IQCM: variants seen among roughly 807,000 people sequenced by gnomAD.
IQCM encodes IQ domain-containing protein M.
Under a neutral mutation model 57.6 loss-of-function variants are expected in IQCM, and 45 were observed. That is an observed-to-expected ratio of 0.78 (90% CI 0.62 to 1.00). The LOEUF is 1.00. IQCM is among the 50% of genes least tolerant of loss of function. IQCM has a pLI of 0.00. For missense variants in IQCM, 468 were observed against 511.6 expected (o/e 0.91, Z 0.82); for synonymous variants, 148 against 158.9 (o/e 0.93, Z 0.51).
At chr4:149,399,883 C>A (rs1335117706) in intron 13 of IQCM, among the ~76,000 whole-genome samples, 1 of 151,980 alleles carries the variant, frequency 6.6e-6, no homozygotes, top group East Asian at 1.9e-4. Context: ...AATTGTTATC[C>A]TTTTTGAGAG....
intron 8 of IQCM, among the ~76,000 whole-genome samples, chr4:149,595,772 C>T (rs900190612): frequency 6.6e-6 from 1 of 152,072 alleles, no homozygotes; most frequent in Non-Finnish European, 1.5e-5. Flanking sequence ...GCAAACAAAC[C>T]ACAGGATGGT....
intron 8 of IQCM, among the ~76,000 whole-genome samples, chr4:149,589,108 AG>A (rs1210995802): frequency 6.6e-6 from 1 of 152,000 alleles, no homozygotes; most frequent in Non-Finnish European, 1.5e-5. Flanking sequence ...TGATAGCTAG[AG>A]GCACTGATGG....
At chr4:149,360,007 A>G (rs1039473199) in intron 13 of IQCM, among the ~76,000 whole-genome samples, 2 of 152,186 alleles carry the variant, frequency 1.3e-5, no homozygotes, top group African/African-American at 2.4e-5. Context: ...GAAATAAACA[A>G]GAGAGAAAAA....
chr4:149,704,592 C>G (rs1332598469), intron 5 of IQCM, among the ~76,000 whole-genome samples: 4 of 151,610 alleles, frequency 2.6e-5, no homozygotes, highest in African/African-American at 4.8e-5. Flanking sequence ...GTTCTCCGGA[C>G]AGAGTAATAA....
intron 2 of IQCM, among the ~76,000 whole-genome samples, chr4:149,801,829 A>C (rs1221399633): frequency 6.6e-6 from 1 of 151,990 alleles, no homozygotes; most frequent in African/African-American, 2.4e-5. Flanking sequence ...CTGCTGTTTG[A>C]TAGCACAACA....
intron 9 of IQCM, among the ~76,000 whole-genome samples, chr4:149,587,314 T>C (rs1183891324): frequency 6.6e-6 from 1 of 151,812 alleles, no homozygotes; most frequent in Non-Finnish European, 1.5e-5. Flanking sequence ...TTTTAGCTTA[T>C]AATCATTTAT....
At chr4:149,547,521 T>C (rs1194990614) in intron 12 of IQCM, among the ~76,000 whole-genome samples, 1 of 152,150 alleles carries the variant, frequency 6.6e-6, no homozygotes. Flanking sequence ...GGTCAAAACA[T>C]ACAAACTTTT....
intron 8 of IQCM, among the ~76,000 whole-genome samples, chr4:149,600,944 TTTGA>T (rs1358674622): frequency 6.6e-6 from 1 of 152,186 alleles, no homozygotes; most frequent in Non-Finnish European, 1.5e-5. Flanking sequence ...TTCTAATATC[TTTGA>T]TTGGGTATTA....
At chr4:149,624,998 C>A (rs182495460) in intron 7 of IQCM, among the ~76,000 whole-genome samples, 1 of 152,278 alleles carries the variant, frequency 6.6e-6, no homozygotes, top group Admixed American at 6.5e-5. Context: ...ATTGCACATG[C>A]AGTTTTAATC....
At chr4:149,750,064 C>T (rs757738108) in intron 2 of IQCM, among the ~76,000 whole-genome samples, 57 of 152,074 alleles carry the variant, frequency 3.7e-4, no homozygotes, top group Non-Finnish European at 5.1e-4. Context: ...TTGGAAATCC[C>T]GCTACTACTG....
chr4:149,592,523 G>C (rs1181349204), intron 8 of IQCM, among the ~76,000 whole-genome samples: 3 of 151,878 alleles, frequency 2.0e-5, no homozygotes, highest in African/African-American at 4.8e-5. Context: ...TAGACATGAA[G>C]TCCTTGCCCA....
intron 13 of IQCM, among the ~76,000 whole-genome samples, chr4:149,392,908 C>T (rs1013158574): frequency 2.6e-5 from 4 of 152,002 alleles, no homozygotes; most frequent in Non-Finnish European, 5.9e-5. Context: ...TTGTCGCTCA[C>T]ACCTGTAATC....
At chr4:149,449,733 C>G (rs1736900108) in intron 12 of IQCM, among the ~76,000 whole-genome samples, 1 of 151,586 alleles carries the variant, frequency 6.6e-6, no homozygotes, top group African/African-American at 2.4e-5. Context: ...GAAGATATTT[C>G]ATGTTCATGG....
At chr4:149,473,591 G>C (rs566668251) in intron 12 of IQCM, among the ~76,000 whole-genome samples, 102 of 152,288 alleles carry the variant, frequency 6.7e-4, no homozygotes, top group African/African-American at 2.3e-3. Context: ...TCTAGAACTA[G>C]AAATACCATT....
chr4:149,417,944 A>G (rs564490428), intron 13 of IQCM, among the ~76,000 whole-genome samples: 24 of 151,514 alleles, frequency 1.6e-4, no homozygotes, highest in African/African-American at 4.4e-4. Flanking sequence ...TATAGTCTTG[A>G]GCCTAGCAAA....
intron 8 of IQCM, among the ~76,000 whole-genome samples, chr4:149,611,468 A>G (rs1010329512): frequency 6.6e-5 from 10 of 152,134 alleles, no homozygotes; most frequent in African/African-American, 2.2e-4. Flanking sequence ...TAAAGAAAGT[A>G]TGGTACATAT....
intron 2 of IQCM, among the ~76,000 whole-genome samples, chr4:149,787,137 A>G (rs113529472): frequency 0.018 from 2,718 of 152,164 alleles, 88 homozygotes; most frequent in African/African-American, 0.063. Context: ...TTGAGAACAT[A>G]TGGACACAGA....
At chr4:149,515,968 TG>T (rs1744918765) in intron 12 of IQCM, among the ~76,000 whole-genome samples, 1 of 151,978 alleles carries the variant, frequency 6.6e-6, no homozygotes, top group South Asian at 2.1e-4. Flanking sequence ...ACCCATTCTG[TG>T]GACACCACTC....
At chr4:149,413,794 A>C (rs992238879) in intron 13 of IQCM, among the ~76,000 whole-genome samples, 10 of 152,216 alleles carry the variant, frequency 6.6e-5, no homozygotes, top group African/African-American at 2.4e-4. Context: ...ACCTCTGACT[A>C]TTAAACATTA....
Sources: allele counts gnomAD v4.1 joint callset (sites outside exome capture counted in the v4.1 genomes callset), GRCh38; gene constraint gnomAD v4.1.1; transcripts MANE v1.5; gene names NCBI Gene and HGNC (gene_info 2026-07-23, HGNC 2026-07-21).